MSI2: variants seen among roughly 807,000 people sequenced by gnomAD.
MSI2 encodes the protein musashi RNA binding protein 2.
Under a neutral mutation model 45.6 loss-of-function variants are expected in MSI2, and 17 were observed. The ratio of observed to expected loss-of-function variants is 0.37; its 90% confidence interval spans 0.26 to 0.56. The LOEUF (loss-of-function observed/expected upper bound fraction) is 0.56, where lower values mean the gene tolerates loss of function less well. MSI2 is among the 20% of genes least tolerant of loss of function. The probability of loss-of-function intolerance (pLI) is 0.77; values close to 1 mark genes in which losing one functional copy is unlikely to be tolerated. For missense variants in MSI2, 293 were observed against 444.2 expected (o/e 0.66, Z 3.06); for synonymous variants, 156 against 158.2 (o/e 0.99, Z 0.11).
intron 5 of MSI2, among the ~76,000 whole-genome samples, chr17:57,377,968 G>A (rs993543835): frequency 5.3e-5 from 8 of 151,960 alleles, no homozygotes; most frequent in Non-Finnish European, 8.8e-5. Context: ...CCAGCTACTC[G>A]GGAGGCTGAG....
chr17:57,500,367 C>T (rs1256224871), intron 6 of MSI2, among the ~76,000 whole-genome samples: 1 of 151,222 alleles, frequency 6.6e-6, no homozygotes, highest in East Asian at 1.9e-4. Context: ...CCTCAGATCT[C>T]TCTTCGCCAC....
chr17:57,286,301 G>A (rs1909868501), intron 5 of MSI2, among the ~76,000 whole-genome samples: 1 of 151,582 alleles, frequency 6.6e-6, no homozygotes, highest in South Asian at 2.1e-4. Context: ...AAGGCAGTTT[G>A]TGGTGATTTT....
intron 5 of MSI2, among the ~76,000 whole-genome samples, chr17:57,334,334 G>A (rs1209534766): frequency 6.6e-6 from 1 of 152,170 alleles, no homozygotes; most frequent in Admixed American, 6.5e-5. Flanking sequence ...TGCCATCTGG[G>A]TAGGTGGTGA....
intron 10 of MSI2, among the ~76,000 whole-genome samples, chr17:57,641,650 A>C (rs1910272727): frequency 6.6e-6 from 1 of 152,206 alleles, no homozygotes; most frequent in Admixed American, 6.5e-5. Context: ...GTGGCTCAAA[A>C]TCAGAAATTG....
rs1281703453 is a variant in MSI2 at position 57,627,055 on chromosome 17, C to T, written c.653-174C>T. ...TAGCAACAGCTGACAGCAGCGCCCCCGGCCACAGGAGAGAGGTGACCCAGA... is the reference window on the plus strand; with the variant it reads ...TAGCAACAGCTGACAGCAGCGCCCCTGGCCACAGGAGAGAGGTGACCCAGA... On this transcript the variant is annotated intron_variant, in intron 9 of 13. Transcript: ENST00000284073. This position sits in a 1 kb window ranked among gnomAD's most constrained non-coding sequence, Gnocchi z 4.6. 2.0e-5 allele frequency: 13 copies of T among 635,602 alleles called. No homozygotes were observed. Among genetic ancestry groups the T allele is most frequent in the South Asian group, 5.8e-5 (3 of 51,422 alleles). 39.4% of individuals were successfully genotyped at this position (635,602 alleles called of 1,614,324 possible). A position where few individuals can be genotyped will look rare whatever the true frequency, so the allele number is the denominator to read the frequency against.
intron 5 of MSI2, among the ~76,000 whole-genome samples, chr17:57,307,502 G>A (rs955536609): frequency 2.0e-5 from 3 of 150,246 alleles, no homozygotes; most frequent in East Asian, 2.0e-4. Context: ...TCAGCCCTCC[G>A]CAACCTCCAC....
At position 57,387,038 on chromosome 17, in the gene MSI2, C is replaced by T. The variant is rs185340937; in HGVS notation, c.313-14341C>T. On this transcript the variant is annotated intron_variant, in intron 5 of 13. Transcript: ENST00000284073. ...CCATGTGTCTGATTTGACAGCCCTC[C>T]AGGGTGAACTACAAAATGAGCCCTC... Among the ~76,000 whole-genome samples, 8 of 152,330 alleles carry T rather than the reference C, an allele frequency of 5.3e-5. No homozygotes were observed. In the East Asian group the frequency reaches 1.5e-3, roughly 29 times the overall value.
At chr17:57,667,093 T>C (rs904314313) in intron 11 of MSI2, among the ~76,000 whole-genome samples, 2 of 152,188 alleles carry the variant, frequency 1.3e-5, no homozygotes, top group African/African-American at 4.8e-5. Flanking sequence ...TCTCTGCCTT[T>C]TCTCTGCTGA....
intron 5 of MSI2, among the ~76,000 whole-genome samples, chr17:57,302,151 A>G (rs142835352): frequency 1.3e-5 from 2 of 152,346 alleles, no homozygotes; most frequent in East Asian, 3.9e-4. Flanking sequence ...TTTGGGGTAC[A>G]TACGATATTT....
chr17:57,262,596 AAAC>A (rs77055855), intron 5 of MSI2, among the ~76,000 whole-genome samples: 10,545 of 152,294 alleles, frequency 0.069, 468 homozygotes, highest in Middle Eastern at 0.16. Context: ...GAGTTTGACT[AAAC>A]AGCTGATCCT....
At chr17:57,462,152 C>T (rs1307908220) in intron 6 of MSI2, among the ~76,000 whole-genome samples, 2 of 152,210 alleles carry the variant, frequency 1.3e-5, no homozygotes, top group East Asian at 3.8e-4. Context: ...ACACATCACT[C>T]CAATCTCTGC....
chr17:57,368,174 G>T (rs560095217), intron 5 of MSI2, among the ~76,000 whole-genome samples: 24 of 152,258 alleles, frequency 1.6e-4, no homozygotes, highest in African/African-American at 5.8e-4. Context: ...ATATACAGTA[G>T]AATTTTTCAT....
chr17:57,508,002 A>G (rs1170634773), intron 6 of MSI2, among the ~76,000 whole-genome samples: 1 of 152,202 alleles, frequency 6.6e-6, no homozygotes, highest in Non-Finnish European at 1.5e-5. Flanking sequence ...AAGCCAGCTG[A>G]TGCTAGATAA....
chr17:57,378,826 C>T (rs1395911359), intron 5 of MSI2, among the ~76,000 whole-genome samples: 1 of 152,182 alleles, frequency 6.6e-6, no homozygotes, highest in Non-Finnish European at 1.5e-5. Context: ...AAGGACTTGC[C>T]CCAAACTGAA....
At chr17:57,697,281 C>T in the MSI2 span, among the ~76,000 whole-genome samples, 1 of 151,850 alleles carries the variant, frequency 6.6e-6, no homozygotes, top group Non-Finnish European at 1.5e-5. Flanking sequence ...TCACACCCCT[C>T]ACACACTCTA....
intron 5 of MSI2, among the ~76,000 whole-genome samples, chr17:57,313,494 G>A (rs570018111): frequency 1.5e-4 from 23 of 152,284 alleles, no homozygotes; most frequent in South Asian, 6.2e-4. Flanking sequence ...TGAGGGCTGG[G>A]GGCAGCATTT....
intron 7 of MSI2, among the ~76,000 whole-genome samples, chr17:57,541,800 A>AC (rs1358719545): frequency 6.6e-6 from 1 of 152,142 alleles, no homozygotes; most frequent in African/African-American, 2.4e-5. Flanking sequence ...AAAGTTGTAC[A>AC]CCTTTGAGCA....
chr17:57,535,593 G>C (rs1240776129), intron 7 of MSI2, among the ~76,000 whole-genome samples: 1 of 152,250 alleles, frequency 6.6e-6, no homozygotes, highest in South Asian at 2.1e-4. Context: ...CTTTGGAGAG[G>C]AATAACAGCC....
At chr17:57,274,620 C>T (rs773104245) in intron 5 of MSI2, 6 of 152,130 alleles carry the variant, frequency 3.9e-5, no homozygotes, top group Admixed American at 6.5e-5. Flanking sequence ...TTCTGCCTTA[C>T]GTATTTTTCC....
Sources: allele counts gnomAD v4.1 joint callset (sites outside exome capture counted in the v4.1 genomes callset), GRCh38; gene constraint gnomAD v4.1.1; non-coding constraint Gnocchi (gnomAD v3.1); transcripts MANE v1.5; gene names NCBI Gene and HGNC (gene_info 2026-07-23, HGNC 2026-07-21).